SH3D19: variants seen among roughly 807,000 people sequenced by gnomAD.
The protein encoded by SH3D19 is SH3 domain-containing protein 19.
SH3D19 carries 58 observed loss-of-function variants against 112.1 expected under a neutral mutation model. That is an observed-to-expected ratio of 0.52 (90% CI 0.42 to 0.64). The LOEUF (loss-of-function observed/expected upper bound fraction) is 0.64. Ranked by LOEUF, SH3D19 falls within the 30% of genes least tolerant of loss-of-function variation. The probability of loss-of-function intolerance (pLI) is 0.00; values close to 1 mark genes in which losing one functional copy is unlikely to be tolerated. For missense variants in SH3D19, 1,090 were observed against 1,263.4 expected, an observed-to-expected ratio of 0.86 and a Z score of 2.08; for synonymous variants, 391 against 448.5, an observed-to-expected ratio of 0.87 and a Z score of 1.62.
chr4:151,301,133 G>A (rs554881461), intron 1 of SH3D19, among the ~76,000 whole-genome samples: 3 of 152,316 alleles, frequency 2.0e-5, no homozygotes, highest in Admixed American at 6.5e-5. Context: ...GGGCCTGATG[G>A]GGGGTGATTG....
chr4:151,178,429 T>C (rs556167193), intron 4 of SH3D19, among the ~76,000 whole-genome samples: 2 of 152,364 alleles, frequency 1.3e-5, no homozygotes, highest in East Asian at 1.9e-4. Context: ...TGTGAAACAG[T>C]AGAACCTGAT....
At chr4:151,176,988 G>C (rs1760051279) in intron 4 of SH3D19, 33 bp from the exon 5 acceptor site, 1 of 1,231,684 alleles carries the variant, frequency 8.1e-7, no homozygotes, top group African/African-American at 1.5e-5. Flanking sequence ...AGGTTTTGCA[G>C]AATGGTAACA....
At chr4:151,271,310 A>G (rs555787188) in intron 1 of SH3D19, among the ~76,000 whole-genome samples, 15 of 152,326 alleles carry the variant, frequency 9.8e-5, no homozygotes, top group African/African-American at 3.4e-4. Flanking sequence ...GAATTAGAAA[A>G]CAGACAATGG....
chr4:151,169,112 A>G (rs1758599395), intron 7 of SH3D19, among the ~76,000 whole-genome samples: 1 of 152,188 alleles, frequency 6.6e-6, no homozygotes, highest in Admixed American at 6.5e-5. Flanking sequence ...TAAAGGGTCC[A>G]ATCATTTTTT....
chr4:151,177,350 T>C (rs974221988), intron 4 of SH3D19, among the ~76,000 whole-genome samples: 46 of 152,276 alleles, frequency 3.0e-4, no homozygotes, highest in African/African-American at 1.1e-3. Flanking sequence ...TTATTATTAT[T>C]ATTATCTGAG....
intron 1 of SH3D19, among the ~76,000 whole-genome samples, chr4:151,260,128 T>C (rs1772259645): frequency 6.6e-6 from 1 of 152,254 alleles, no homozygotes. Flanking sequence ...ATAATTTCTG[T>C]TATATGCCTA....
chr4:151,239,309 T>C (rs1316364), intron 1 of SH3D19, among the ~76,000 whole-genome samples: 120,678 of 152,106 alleles, frequency 0.79, 50,079 homozygotes, highest in Non-Finnish European at 0.93. Context: ...TTACACAAAA[T>C]AGGTACAACA....
At chr4:151,132,427 A>C in intron 16 of SH3D19, 44 bp from the exon 17 acceptor site, 3 of 1,554,248 alleles carry the variant, frequency 1.9e-6, no homozygotes, top group Non-Finnish European at 2.7e-6. Flanking sequence ...AGAACATTAG[A>C]TGTGAAGGCC....
intron 2 of SH3D19, among the ~76,000 whole-genome samples, chr4:151,217,524 G>A (rs899480075): frequency 3.3e-5 from 5 of 152,088 alleles, no homozygotes; most frequent in East Asian, 1.9e-4. Flanking sequence ...ATTATGGGGA[G>A]GGAAGTTGTA....
intron 2 of SH3D19, among the ~76,000 whole-genome samples, chr4:151,193,271 T>G (rs1421564060): frequency 6.0e-5 from 8 of 133,992 alleles, no homozygotes; most frequent in East Asian, 4.0e-4. Context: ...AATAGGTTTG[T>G]TTTTTTTTTT....
At chr4:151,227,915 T>C (rs1769252216) in intron 1 of SH3D19, 1 of 985,416 alleles carries the variant, frequency 1.0e-6, no homozygotes, top group African/African-American at 1.7e-5. Flanking sequence ...AGAGTCACGA[T>C]GCATGTAAAC....
chr4:151,306,166 T>G (rs1728892401), intron 1 of SH3D19, among the ~76,000 whole-genome samples: 1 of 152,184 alleles, frequency 6.6e-6, no homozygotes, highest in Non-Finnish European at 1.5e-5. Context: ...CCCAGGGAAT[T>G]TCCAGGTGAT....
intron 1 of SH3D19, among the ~76,000 whole-genome samples, chr4:151,241,467 GTTTC>G (rs1344404391): frequency 1.3e-5 from 2 of 151,400 alleles, no homozygotes; most frequent in Non-Finnish European, 2.9e-5. Flanking sequence ...AAACGTTCGG[GTTTC>G]TTTATGGATT....
chr4:151,223,282 C>T (rs1580254604), intron 2 of SH3D19, among the ~76,000 whole-genome samples: 2 of 151,980 alleles, frequency 1.3e-5, no homozygotes, highest in South Asian at 4.2e-4. Flanking sequence ...TGATCTTTGC[C>T]TGCATCAACT....
chr4:151,245,692 C>T (rs1234340278), intron 1 of SH3D19, among the ~76,000 whole-genome samples: 1 of 152,186 alleles, frequency 6.6e-6, no homozygotes, highest in Non-Finnish European at 1.5e-5. Flanking sequence ...ACCTCCGCCT[C>T]CCAGGTTCAA....
intron 6 of SH3D19, 53 bp from the exon 7 acceptor site, chr4:151,175,727 C>T: frequency 8.1e-7 from 1 of 1,235,148 alleles, no homozygotes; most frequent in Non-Finnish European, 1.0e-6. Context: ...ATAACGTTAA[C>T]AATGTATAAG....
chr4:151,207,118 T>G (rs1258611978), intron 2 of SH3D19, among the ~76,000 whole-genome samples: 1 of 152,208 alleles, frequency 6.6e-6, no homozygotes, highest in Non-Finnish European at 1.5e-5. Context: ...AACCTGGCCA[T>G]AGGTGCCTTT....
At chr4:151,249,576 A>G (rs1028163075) in intron 1 of SH3D19, among the ~76,000 whole-genome samples, 2 of 152,204 alleles carry the variant, frequency 1.3e-5, no homozygotes, top group Non-Finnish European at 2.9e-5. Context: ...TAATCACCAC[A>G]AACTCAGAAT....
intron 2 of SH3D19, among the ~76,000 whole-genome samples, chr4:151,199,834 T>TA (rs1391043381): frequency 6.6e-6 from 1 of 152,208 alleles, no homozygotes; most frequent in East Asian, 1.9e-4. Context: ...AATCTTACTT[T>TA]AAAAAATATA....
Sources: allele counts gnomAD v4.1 joint callset (sites outside exome capture counted in the v4.1 genomes callset), GRCh38; gene constraint gnomAD v4.1.1; transcripts MANE v1.5; gene names NCBI Gene and HGNC (gene_info 2026-07-23, HGNC 2026-07-21).